EFCAB6: variants seen among roughly 807,000 people sequenced by gnomAD.
The protein encoded by EFCAB6 is EF-hand calcium-binding domain-containing protein 6.
In EFCAB6, 156 loss-of-function variants were observed where a neutral mutation model predicts 169.8. The ratio of observed to expected loss-of-function variants is 0.92; its 90% confidence interval spans 0.81 to 1.05. The LOEUF is 1.05. EFCAB6 is among the 50% of genes least tolerant of loss of function. The probability of loss-of-function intolerance (pLI) is 0.00; values close to 1 mark genes in which losing one functional copy is unlikely to be tolerated. For synonymous variants in EFCAB6, 698 were observed against 676.4 expected, an observed-to-expected ratio of 1.03 and a Z score of -0.50; for missense variants, 1,800 against 1,829.1, an observed-to-expected ratio of 0.98 and a Z score of 0.29.
intron 20 of EFCAB6, among the ~76,000 whole-genome samples, chr22:43,625,586 T>C (rs975901543): frequency 6.6e-6 from 1 of 152,204 alleles, no homozygotes; most frequent in Non-Finnish European, 1.5e-5. Context: ...GAAACAGCAC[T>C]GAGCCGGAGC....
intron 19 of EFCAB6, 126 bp from the exon 20 acceptor site, chr22:43,626,805 G>A: frequency 1.3e-6 from 1 of 799,080 alleles, no homozygotes; most frequent in Non-Finnish European, 2.0e-6. Flanking sequence ...CCCAACTATT[G>A]CTTTTAGAGA....
intron 6 of EFCAB6, among the ~76,000 whole-genome samples, chr22:43,741,946 GCGGGAGGAGTA>G (rs2060386601): frequency 6.6e-6 from 1 of 152,016 alleles, no homozygotes; most frequent in African/African-American, 2.4e-5. Context: ...CCAGCGCCTG[GCGGGAGGAGTA>G]CTCAGAGAGC....
intron 17 of EFCAB6, among the ~76,000 whole-genome samples, chr22:43,637,471 A>T (rs1276135399): frequency 6.6e-6 from 1 of 152,240 alleles, no homozygotes; most frequent in Non-Finnish European, 1.5e-5. Flanking sequence ...TGTGCGCTGT[A>T]TCTACGCTGG....
intron 5 of EFCAB6, among the ~76,000 whole-genome samples, chr22:43,761,995 C>T (rs2061178677): frequency 6.6e-6 from 1 of 152,130 alleles, no homozygotes; most frequent in Non-Finnish European, 1.5e-5. Flanking sequence ...TCTGATGTTA[C>T]TTGGCACTTT....
At chr22:43,658,513 T>C (rs566622788) in intron 17 of EFCAB6, among the ~76,000 whole-genome samples, 1 of 152,272 alleles carries the variant, frequency 6.6e-6, no homozygotes, top group East Asian at 1.9e-4. Context: ...AGCCGAACTC[T>C]GCAAGGATGG....
chr22:43,707,782 G>A (rs1421647490), intron 10 of EFCAB6, among the ~76,000 whole-genome samples: 1 of 152,064 alleles, frequency 6.6e-6, no homozygotes, highest in Non-Finnish European at 1.5e-5. Context: ...CAGAAGAAAG[G>A]AGAGAGGTTT....
chr22:43,729,978 T>C (rs902718047), intron 8 of EFCAB6, among the ~76,000 whole-genome samples: 1 of 151,424 alleles, frequency 6.6e-6, no homozygotes, highest in East Asian at 2.0e-4. Context: ...CCTGGCAACA[T>C]AGTGAGACCC....
chr22:43,544,507 T>C (rs2147101897), intron 27 of EFCAB6, among the ~76,000 whole-genome samples: 1 of 152,292 alleles, frequency 6.6e-6, no homozygotes, highest in South Asian at 2.1e-4. Flanking sequence ...TGATCAGCTC[T>C]TCTGGTCTGT....
At chr22:43,728,715 G>C (rs867692520) in intron 8 of EFCAB6, among the ~76,000 whole-genome samples, 91 of 152,252 alleles carry the variant, frequency 6.0e-4, no homozygotes, top group African/African-American at 1.9e-3. Flanking sequence ...GTCTTCTTTT[G>C]AGAAGTGTCT....
At chr22:43,726,809 A>G (rs1228411682) in intron 8 of EFCAB6, among the ~76,000 whole-genome samples, 1 of 152,212 alleles carries the variant, frequency 6.6e-6, no homozygotes, top group East Asian at 1.9e-4. Flanking sequence ...TAATGAAACA[A>G]AGATGTCCCA....
rs1015645450 is a variant in EFCAB6 at position 43,628,265 on chromosome 22, G to A, written c.2233-1586C>T. On this transcript the variant is annotated intron_variant, in intron 19 of 31. Coordinates refer to ENST00000262726, the MANE Select transcript of EFCAB6 (RefSeq NM_022785.4). This position sits in a 1 kb window ranked among gnomAD's most constrained non-coding sequence, Gnocchi z 4.8. ...CCTGGTTGCTCAGACACAAACCTGG[G>A]AGCCCTTCTGAGCCCTCGCTTCCTC... Among the ~76,000 whole-genome samples the A allele has an allele frequency of 3.3e-5, 5 of 152,116 alleles. No individual in the cohort carries two copies. Among genetic ancestry groups the A allele is most frequent in the Admixed American group, 6.5e-5 (1 of 15,296 alleles).
intron 6 of EFCAB6, among the ~76,000 whole-genome samples, chr22:43,738,456 CCAT>C (rs1187611817): frequency 4.0e-5 from 6 of 151,618 alleles, no homozygotes; most frequent in African/African-American, 7.3e-5. Flanking sequence ...CTCACATACA[CCAT>C]CACTCACACA....
chr22:43,604,071 C>A (rs8136858), intron 22 of EFCAB6, among the ~76,000 whole-genome samples: 9,647 of 151,880 alleles, frequency 0.064, 369 homozygotes, highest in Admixed American at 0.097. Flanking sequence ...TTTTTTTTTC[C>A]TTCCACCATG....
Position 43,580,536 on chromosome 22 carries a change from T to G in EFCAB6, c.3156A>C (p.Ala1052=). The part of the protein sequence containing the change: ...EKEESMPINF[A]TLNPQEAVRK... Reference sequence around the variant, plus strand: ...TCACAGCCTCCTGTGGATTCAGCGTTGCAAAATTGATTGGCATGCTCTCTT... The same window carrying G: ...TCACAGCCTCCTGTGGATTCAGCGTGGCAAAATTGATTGGCATGCTCTCTT... Residue 1052 remains alanine (A), a synonymous_variant, in exon 25 of 32, where the codon GCA becomes GCC. Coordinates refer to ENST00000262726, the MANE Select transcript of EFCAB6 (RefSeq NM_022785.4). 1 of 1,614,150 alleles carries G rather than the reference T, an allele frequency of 6.2e-7. No individual in the cohort carries two copies. The highest frequency in any genetic ancestry group is 1.1e-5 in the South Asian group (1 of 91,080).
chr22:43,540,562 G>C (rs1264055818), intron 27 of EFCAB6: 10 of 1,514,324 alleles, frequency 6.6e-6, no homozygotes, highest in Non-Finnish European at 7.9e-6. Context: ...GCAAAGACAA[G>C]AGGATTATTC....
chr22:43,756,481 T>C (rs1404983586), intron 5 of EFCAB6, among the ~76,000 whole-genome samples: 5 of 152,164 alleles, frequency 3.3e-5, no homozygotes, highest in Non-Finnish European at 5.9e-5. Flanking sequence ...TCTGTGTATC[T>C]ACAAACCACT....
chr22:43,686,357 G>C (rs1186304058), intron 11 of EFCAB6, among the ~76,000 whole-genome samples: 4 of 151,984 alleles, frequency 2.6e-5, no homozygotes, highest in African/African-American at 4.8e-5. Flanking sequence ...TAAGGATGAT[G>C]GCATTTGTGT....
chr22:43,642,847 G>A (rs2055890497), intron 17 of EFCAB6, among the ~76,000 whole-genome samples: 1 of 152,158 alleles, frequency 6.6e-6, no homozygotes, highest in African/African-American at 2.4e-5. Flanking sequence ...AGCTGTGAGT[G>A]CAGATAAATA....
chr22:43,805,100 G>A (rs1266714557), intron 2 of EFCAB6, among the ~76,000 whole-genome samples: 3 of 152,058 alleles, frequency 2.0e-5, no homozygotes, highest in African/African-American at 2.4e-5. Context: ...AGAAAGCAAG[G>A]AAGCAAACCC....
Sources: gnomAD v4.1 joint callset for allele counts (sites outside exome capture counted in the v4.1 genomes callset) on GRCh38, gnomAD v4.1.1 for gene constraint, Gnocchi (gnomAD v3.1) non-coding constraint, MANE v1.5 for transcripts, NCBI Gene and HGNC (gene_info 2026-07-23, HGNC 2026-07-21) for gene names.